ADGRV1: variants seen among roughly 807,000 people sequenced by gnomAD.
ADGRV1 encodes the protein G-protein coupled receptor 98.
A neutral mutation model predicts 596.2 loss-of-function variants in ADGRV1; 359 were observed. The observed-to-expected ratio is 0.60, with a 90% confidence interval of 0.55 to 0.66. The LOEUF is 0.66. Among genes scored for constraint, ADGRV1 ranks in the 30% least tolerant of loss-of-function variants. The pLI is 0.00. For missense variants in ADGRV1, 7,274 were observed against 7,575.6 expected, an observed-to-expected ratio of 0.96 and a Z score of 1.48; for synonymous variants, 2,681 against 2,679.2, an observed-to-expected ratio of 1.00 and a Z score of -0.02.
At chr5:90,873,666 C>G (rs747432775) in intron 83 of ADGRV1, among the ~76,000 whole-genome samples, 6 of 152,112 alleles carry the variant, frequency 3.9e-5, no homozygotes, top group Non-Finnish European at 7.4e-5. Context: ...CATGGTGGTG[C>G]ACGCTGTAGT....
At chr5:90,898,543 T>G (rs1413710387) in intron 83 of ADGRV1, among the ~76,000 whole-genome samples, 1 of 152,222 alleles carries the variant, frequency 6.6e-6, no homozygotes, top group Non-Finnish European at 1.5e-5. Context: ...AATATCATCA[T>G]TGGGATTACA....
intron 74 of ADGRV1, among the ~76,000 whole-genome samples, chr5:90,812,015 G>C (rs1762486904): frequency 6.7e-6 from 1 of 148,184 alleles, no homozygotes; most frequent in Admixed American, 6.9e-5. Context: ...TGCAACCTCT[G>C]CCTCCCGGGT....
At chr5:90,959,908 GGT>G (rs1777826921) in intron 83 of ADGRV1, among the ~76,000 whole-genome samples, 1 of 152,136 alleles carries the variant, frequency 6.6e-6, no homozygotes, top group African/African-American at 2.4e-5. Context: ...GGGAGGCTAA[GGT>G]GGGCAGATCA....
intron 82 of ADGRV1, among the ~76,000 whole-genome samples, chr5:90,860,780 T>G (rs1291108907): frequency 1.3e-5 from 2 of 150,820 alleles, no homozygotes; most frequent in Non-Finnish European, 2.9e-5. Context: ...GAAATAATGA[T>G]AATTTGGTTT....
intron 85 of ADGRV1, among the ~76,000 whole-genome samples, chr5:91,063,039 A>T (rs1302776986): frequency 1.4e-5 from 2 of 143,530 alleles, no homozygotes; most frequent in South Asian, 2.2e-4. Flanking sequence ...GCTCACTGCA[A>T]CCTCCACCTC....
chr5:91,123,214 T>C lies in ADGRV1; in HGVS notation c.18432+20874T>C, dbSNP rs1488848231. ...AATATATGTAAAACATGTAAAAGAG[T>C]GGCTATACGTAATAAATACCCAGTA... On this transcript the variant is annotated intron_variant, in intron 87 of 89. Coordinates refer to ENST00000405460, the MANE Select transcript of ADGRV1 (RefSeq NM_032119.4). Among the ~76,000 whole-genome samples the C allele has an allele frequency of 2.0e-5, 3 of 149,700 alleles. No homozygotes were observed. The South Asian group carries it at 6.4e-4, about 32-fold the overall frequency.
intron 6 of ADGRV1, chr5:90,626,266 G>A (rs1764744699): frequency 6.6e-6 from 1 of 152,042 alleles, no homozygotes; most frequent in Non-Finnish European, 1.5e-5. Flanking sequence ...GAAAAAAAAT[G>A]AAATATTTGG....
chr5:90,655,504 T>C (rs1453324831), intron 20 of ADGRV1: 1 of 152,226 alleles, frequency 6.6e-6, no homozygotes, highest in Non-Finnish European at 1.5e-5. Context: ...ATGGATACTC[T>C]TATACATGTT....
intron 85 of ADGRV1, among the ~76,000 whole-genome samples, chr5:90,987,807 T>C (rs1321999850): frequency 2.0e-5 from 3 of 152,134 alleles, no homozygotes; most frequent in Non-Finnish European, 2.9e-5. Flanking sequence ...CCTAGAAGAA[T>C]TTTAAAATTC....
At chr5:90,973,630 G>T (rs904216118) in intron 84 of ADGRV1, among the ~76,000 whole-genome samples, 1 of 152,102 alleles carries the variant, frequency 6.6e-6, no homozygotes, top group African/African-American at 2.4e-5. Flanking sequence ...ATGCAGAAAA[G>T]GCCTTTGACA....
chr5:90,684,010 A>C lies in ADGRV1; in HGVS notation c.6089A>C (p.Asn2030Thr). ...DMEKPPYFPPNLARATQGRDY... is the reference protein window; with the variant it reads ...DMEKPPYFPPTLARATQGRDY... Reference sequence around the variant, plus strand: ...GAAAAACCACCTTATTTTCCACCTAATTTAGCGAGAGCAACTCAAGGAAGA... The same window carrying C: ...GAAAAACCACCTTATTTTCCACCTACTTTAGCGAGAGCAACTCAAGGAAGA... Residue 2030 changes from asparagine (N) to threonine (T), a missense_variant, in exon 28 of 90, where the codon AAT (asparagine) becomes ACT (threonine). Coordinates refer to ENST00000405460, the MANE Select transcript of ADGRV1 (RefSeq NM_032119.4). 6.2e-7 allele frequency: 1 copy of C among 1,613,950 alleles called. No individual in the cohort carries two copies. The highest frequency in any genetic ancestry group is 8.5e-7 in the Non-Finnish European group (1 of 1,179,874).
intron 71 of ADGRV1, 63 bp from the exon 72 acceptor site, chr5:90,805,221 A>T (rs1761789466): frequency 7.0e-7 from 1 of 1,434,676 alleles, no homozygotes; most frequent in Non-Finnish European, 9.6e-7. Context: ...CGTTTAACCC[A>T]TTCCTCAGAA....
At chr5:90,999,025 T>C (rs1581749279) in intron 85 of ADGRV1, among the ~76,000 whole-genome samples, 2 of 152,120 alleles carry the variant, frequency 1.3e-5, no homozygotes, top group African/African-American at 4.8e-5. Flanking sequence ...GATTACTTGT[T>C]CATCTCCCTA....
chr5:90,585,421 A>G (rs888274127), intron 1 of ADGRV1, among the ~76,000 whole-genome samples: 4 of 152,164 alleles, frequency 2.6e-5, no homozygotes, highest in African/African-American at 9.7e-5. Context: ...GCTTCAAGAC[A>G]ATGACAAAAG....
intron 84 of ADGRV1, among the ~76,000 whole-genome samples, chr5:90,975,090 AC>A: frequency 6.6e-6 from 1 of 152,108 alleles, no homozygotes; most frequent in African/African-American, 2.4e-5. Context: ...GCCAACAGAC[AC>A]ATGAAGAAAT....
intron 83 of ADGRV1, among the ~76,000 whole-genome samples, chr5:90,870,467 T>C (rs62374005): frequency 0.021 from 3,170 of 152,154 alleles, 55 homozygotes; most frequent in Non-Finnish European, 0.033. Flanking sequence ...TACAAGAGGA[T>C]TGGAAAATGT....
At chr5:90,823,670 A>T in intron 76 of ADGRV1, 74 bp downstream of exon 76, 3 of 1,308,718 alleles carry the variant, frequency 2.3e-6, no homozygotes, top group Non-Finnish European at 1.1e-6. Context: ...TAAAACCACT[A>T]TTGAAACTTA....
rs1434713209 is a variant in ADGRV1 at position 90,629,083 on chromosome 5, A to T, written c.1510-127A>T. 3 of 617,466 alleles carry T rather than the reference A, an allele frequency of 4.9e-6. No homozygotes were observed. In the Admixed American group the frequency reaches 1.1e-4, roughly 23 times the overall value. The allele number at this position is 617,466 out of a possible 1,614,324, so 38.2% of individuals were successfully genotyped here. A position where few individuals can be genotyped will look rare whatever the true frequency, so the allele number is the denominator to read the frequency against. On this transcript the variant is annotated intron_variant, in intron 8 of 89. Coordinates refer to ENST00000405460, the MANE Select transcript of ADGRV1 (RefSeq NM_032119.4). Reference sequence around the variant, plus strand: ...GTTCATCTTTTGCTCTATTATGTATAAGAAGTCATCATTTTTAGACATAAA... The same window carrying T: ...GTTCATCTTTTGCTCTATTATGTATTAGAAGTCATCATTTTTAGACATAAA...
At chr5:90,832,376 C>A (rs1248949174) in intron 77 of ADGRV1, among the ~76,000 whole-genome samples, 1 of 152,038 alleles carries the variant, frequency 6.6e-6, no homozygotes, top group Non-Finnish European at 1.5e-5. Flanking sequence ...CTTTTCTTAT[C>A]CCTATTTACC....
Sources: gnomAD v4.1 joint callset for allele counts (sites outside exome capture counted in the v4.1 genomes callset) on GRCh38, gnomAD v4.1.1 for gene constraint, MANE v1.5 for transcripts, NCBI Gene and HGNC (gene_info 2026-07-23, HGNC 2026-07-21) for gene names.